Variants in WNT10B observed in about 807,000 individuals in gnomAD.
WNT10B encodes protein Wnt-10b.
Under a neutral mutation model 32.7 loss-of-function variants are expected in WNT10B, and 26 were observed. The ratio of observed to expected loss-of-function variants is 0.79; its 90% CI spans 0.58 to 1.10. The LOEUF (loss-of-function observed/expected upper bound fraction) is 1.10. WNT10B is among the 50% of genes least tolerant of loss of function. WNT10B has a pLI of 0.00. For synonymous variants in WNT10B, 204 were observed against 220.4 expected (o/e 0.93, Z 0.66); for missense variants, 474 against 532.5 (o/e 0.89, Z 1.08).
Position 48,970,487 on chromosome 12 carries a change from C to T in WNT10B, c.43G>A (p.Ala15Thr). 1.2e-6 allele frequency: 2 copies of T among 1,610,840 alleles called. No homozygotes were observed. The highest frequency in any genetic ancestry group is 1.7e-6 in the Non-Finnish European group (2 of 1,178,790). The change falls in exon 2 of 5, where the codon GCG becomes ACG. Residue 15 changes from alanine (A) to threonine (T), a missense_variant. Physicochemically the swap from Ala to Thr is moderately conservative, Grantham distance 58. Transcript: ENST00000301061. This position sits in a 1 kb window ranked among gnomAD's most constrained non-coding sequence, Gnocchi z 5.0. ...PRPRPPPSGLAGLLFLALCSR... is the reference protein window; with the variant it reads ...PRPRPPPSGLTGLLFLALCSR... ...CACAACGCCAGGAACAGGAGACCCG[C>T]GAGGCCCGAGGGCGGAGGCCGCGGC...
rs760708495 is a variant in WNT10B at position 48,968,234 on chromosome 12, C to A, written c.423G>T (p.Leu141=). ...CCTTCCAGCCACAGCCACAGCTCAC[C>A]AGCTTGCCCAGGCTGCAGGCCGTGG... ...AVATACSLGK[L]VSCGCGWKGS... is the part of the protein sequence containing the mutation. The change falls in exon 4 of 5, where the codon CTG becomes CTT. Residue 141 remains leucine (L), a synonymous_variant. Coordinates refer to ENST00000301061, the MANE Select transcript of WNT10B (RefSeq NM_003394.4). 1.2e-5 allele frequency: 19 copies of A among 1,611,856 alleles called. No homozygotes were observed. Among genetic ancestry groups the A allele is most frequent in the Non-Finnish European group, 1.5e-5 (18 of 1,180,034 alleles).
At chr12:48,966,656 T>C in intron 4 of WNT10B, 103 bp from the exon 5 acceptor site, 2 of 1,312,670 alleles carry the variant, frequency 1.5e-6, no homozygotes, top group South Asian at 1.2e-5. Context: ...GAGGGACAAA[T>C]GGAGGCAAGA....
chr12:48,967,073 C>T (rs1235875237), intron 4 of WNT10B, among the ~76,000 whole-genome samples: 1 of 152,176 alleles, frequency 6.6e-6, no homozygotes, highest in Non-Finnish European at 1.5e-5. Flanking sequence ...TCACTGCAAC[C>T]TCCGCCTCCC....
rs1287564351 is a variant in WNT10B, at chr12:48,970,057, G to C, written c.337+32C>G. 1.4e-6 allele frequency: 2 copies of C among 1,466,366 alleles called. No individual in the cohort carries two copies. The highest frequency in any genetic ancestry group is 1.8e-6 in the Non-Finnish European group (2 of 1,112,358). 90.8% of individuals were successfully genotyped at this position (1,466,366 alleles called of 1,614,324 possible). A position where few individuals can be genotyped will look rare whatever the true frequency, so the allele number is the denominator to read the frequency against. On this transcript the variant is annotated intron_variant, in intron 3 of 4. Transcript: ENST00000301061. This position sits in a 1 kb window ranked among gnomAD's most constrained non-coding sequence, Gnocchi z 5.0. Reference sequence around the variant, plus strand: ...CCCTGCCGCCCACCCCCTAGCCTCCGCGGCAGCGCCGACCCGCCCAGCCAG... The same window carrying C: ...CCCTGCCGCCCACCCCCTAGCCTCCCCGGCAGCGCCGACCCGCCCAGCCAG...
At chr12:48,968,642 C>T (rs975961339) in intron 3 of WNT10B, among the ~76,000 whole-genome samples, 16 of 152,074 alleles carry the variant, frequency 1.1e-4, no homozygotes, top group East Asian at 1.9e-4. Context: ...CCCCTGGAGT[C>T]GGGAGATGAC....
chr12:48,966,606 C>T (rs980840247), intron 4 of WNT10B, 53 bp from the exon 5 acceptor site: 2 of 1,591,312 alleles, frequency 1.3e-6, no homozygotes, highest in Non-Finnish European at 1.7e-6. Context: ...ATGGACAGAA[C>T]ACAGAGGCAC....
chr12:48,968,454 G>A (rs1940785809), intron 3 of WNT10B, 135 bp from the exon 4 acceptor site: 1 of 1,377,402 alleles, frequency 7.3e-7, no homozygotes, highest in Non-Finnish European at 1.0e-6. Flanking sequence ...TTCACCAGCT[G>A]AGTGATTTGG....
At position 48,965,756 on chromosome 12, in the gene WNT10B, T is replaced by A. The variant is rs1328731388; in HGVS notation, c.*339A>T. 6 of 329,796 alleles carry A rather than the reference T, an allele frequency of 1.8e-5. No homozygotes were observed. The East Asian group carries it at 3.8e-4, about 21-fold the overall frequency. The allele number at this position is 329,796 out of a possible 1,614,324, so 20.4% of individuals were successfully genotyped here. ...CCTCAAGGGAGAGGAGTGGTGAAAC[T>A]ATAGGGACTCCCCAGCCAAAAGGAG... On this transcript the variant is annotated 3_prime_UTR_variant, in exon 5 of 5. Transcript: ENST00000301061.
rs1372373253 is a variant in WNT10B, at chr12:48,965,777, AG to A, written c.*317del. On this transcript the variant is annotated 3_prime_UTR_variant, in exon 5 of 5. Transcript: ENST00000301061. Reference sequence around the variant, plus strand: ...AAACTATAGGGACTCCCCAGCCAAAAGGAGTATGAATCAGGGTTAAAGGGGC... The same window carrying A: ...AAACTATAGGGACTCCCCAGCCAAAAGAGTATGAATCAGGGTTAAAGGGGC... 2 of 367,468 alleles carry A rather than the reference AG, an allele frequency of 5.4e-6. No individual in the cohort carries two copies. Among genetic ancestry groups the A allele is most frequent in the Middle Eastern group, 8.0e-4 (1 of 1,254 alleles). The allele number at this position is 367,468 out of a possible 1,614,324, so 22.8% of individuals were successfully genotyped here. A position where few individuals can be genotyped will look rare whatever the true frequency, so the allele number is the denominator to read the frequency against.
chr12:48,969,255 T>G (rs1281184338), intron 3 of WNT10B: 1 of 404,842 alleles, frequency 2.5e-6, no homozygotes, highest in African/African-American at 2.1e-5. Flanking sequence ...TACCCCAGGA[T>G]CTAGGGCTCC....
chr12:48,970,712 C>T lies in WNT10B; in HGVS notation c.-40-143G>A. On this transcript the variant is annotated intron_variant, in intron 1 of 4. Coordinates refer to ENST00000301061, the MANE Select transcript of WNT10B (RefSeq NM_003394.4). The surrounding 1 kb of genome is among the most constrained non-coding windows in gnomAD (Gnocchi z 5.0). ...CCTCCTCAAACAAAACAAGAAGAAA[C>T]ACCCCTTGATTCCCAGAGTCCCTGA... 1 of 648,252 alleles carries T rather than the reference C, an allele frequency of 1.5e-6. No homozygotes were observed. The highest frequency in any genetic ancestry group is 2.7e-6 in the Non-Finnish European group (1 of 371,408). 40.2% of individuals were successfully genotyped at this position (648,252 alleles called of 1,614,324 possible). A position where few individuals can be genotyped will look rare whatever the true frequency, so the allele number is the denominator to read the frequency against.
In WNT10B at chr12:48,970,497, G is replaced by A. The variant is rs1340288595; in HGVS notation, c.33C>T (p.Pro11=). Residue 11 remains proline, a synonymous_variant, in exon 2 of 5, where the codon CCC becomes CCT. Coordinates refer to ENST00000301061, the MANE Select transcript of WNT10B (RefSeq NM_003394.4). The surrounding 1 kb of genome is among the most constrained non-coding windows in gnomAD (Gnocchi z 5.0). The part of the protein sequence containing the change: MLEEPRPRPP[P]SGLAGLLFLA... Reference sequence around the variant, plus strand: ...GGAACAGGAGACCCGCGAGGCCCGAGGGCGGAGGCCGCGGCCGGGGCTCCT... The same window carrying A: ...GGAACAGGAGACCCGCGAGGCCCGAAGGCGGAGGCCGCGGCCGGGGCTCCT... 1 of 1,608,048 alleles carries A rather than the reference G, an allele frequency of 6.2e-7. No homozygotes were observed. Among genetic ancestry groups the A allele is most frequent in the East Asian group, 2.2e-5 (1 of 44,652 alleles).
At chr12:48,968,400 C>T (rs1258539584) in intron 3 of WNT10B, 81 bp from the exon 4 acceptor site, 4 of 1,577,088 alleles carry the variant, frequency 2.5e-6, no homozygotes, top group African/African-American at 1.3e-5. Flanking sequence ...ATAAACAGCC[C>T]CCCTCCAACT....
rs934900211 is a variant in WNT10B at position 48,970,141 on chromosome 12, G to A, written c.285C>T (p.Ser95=). The part of the protein sequence containing the change: ...HQLRDQRWNC[S]ALEGGGRLPH... ...GCAGGCGGCCGCCGCCCTCAAGCGCGGAGCAGTTCCAGCGCTGGTCGCGCA... is the reference window on the plus strand; with the variant it reads ...GCAGGCGGCCGCCGCCCTCAAGCGCAGAGCAGTTCCAGCGCTGGTCGCGCA... The change falls in exon 3 of 5, where the codon TCC becomes TCT. Residue 95 remains serine (S), a synonymous_variant. Coordinates refer to ENST00000301061, the MANE Select transcript of WNT10B (RefSeq NM_003394.4). This position sits in a 1 kb window ranked among gnomAD's most constrained non-coding sequence, Gnocchi z 5.0. 6.5e-7 allele frequency: 1 copy of A among 1,536,502 alleles called. No homozygotes were observed.
In WNT10B at chr12:48,966,403, G is replaced by A; in HGVS notation, c.862C>T (p.His288Tyr). The change falls in exon 5 of 5, where the codon CAC becomes TAC. Residue 288 changes from histidine (H) to tyrosine (Y), a missense_variant. His to Tyr is a moderately conservative substitution (Grantham distance 83, BLOSUM62 2). Transcript: ENST00000301061. ...RLGRAIFIDT[H>Y]NRNSGAFQPR... ...TGGAAGGCTCCAGAATTGCGGTTGT[G>A]GGTATCAATGAAGATGGCCCGGCCC... is the stretch of plus-strand genomic sequence containing the variant. The A allele has an allele frequency of 6.2e-7, 1 of 1,614,124 alleles. No homozygotes were observed. The highest frequency in any genetic ancestry group is 8.5e-7 in the Non-Finnish European group (1 of 1,180,050).
intron 3 of WNT10B, chr12:48,968,977 C>A: frequency 2.3e-6 from 1 of 432,350 alleles, no homozygotes. Context: ...CTATAAAACA[C>A]TGAGAGGAGG....
chr12:48,970,096 G>A lies in WNT10B; in HGVS notation c.330C>T (p.Leu110=). 1 of 1,522,170 alleles carries A rather than the reference G, an allele frequency of 6.6e-7. No homozygotes were observed. Among genetic ancestry groups the A allele is most frequent in the Non-Finnish European group, 8.8e-7 (1 of 1,136,286 alleles). The allele number at this position is 1,522,170 out of a possible 1,614,324, so 94.3% of individuals were successfully genotyped here. A position where few individuals can be genotyped will look rare whatever the true frequency, so the allele number is the denominator to read the frequency against. Residue 110 remains leucine, a synonymous_variant, in exon 3 of 5, where the codon CTC becomes CTT. Transcript: ENST00000301061. This position sits in a 1 kb window ranked among gnomAD's most constrained non-coding sequence, Gnocchi z 5.0. ...CCGCCCAGCCAGGCTCACCGCGCTT[G>A]AGGATGGCGCTGTGGTGCGGCAGGC... The part of the protein sequence containing the change: ...GGRLPHHSAI[L]KRGFRESAFS...
chr12:48,967,411 G>A (rs540911366), intron 4 of WNT10B, among the ~76,000 whole-genome samples: 25 of 152,054 alleles, frequency 1.6e-4, no homozygotes, highest in South Asian at 8.3e-4. Context: ...TGATCCACCC[G>A]CCTCGGCCTC....
intron 4 of WNT10B, 69 bp downstream of exon 4, chr12:48,967,877 C>T (rs1317643121): frequency 1.3e-6 from 2 of 1,591,510 alleles, no homozygotes; most frequent in African/African-American, 2.7e-5. Context: ...CTATCATTTC[C>T]CTATGCCTCT....
Sources: allele counts gnomAD v4.1 joint callset (sites outside exome capture counted in the v4.1 genomes callset), GRCh38; gene constraint gnomAD v4.1.1; non-coding constraint Gnocchi (gnomAD v3.1); transcripts MANE v1.5; gene names NCBI Gene and HGNC (gene_info 2026-07-23, HGNC 2026-07-21).